Variants in SCLT1 observed in about 807,000 individuals in gnomAD.
SCLT1 encodes the protein sodium channel and clathrin linker 1.
SCLT1 carries 78 observed loss-of-function variants against 112.8 expected under a neutral mutation model. The ratio of observed to expected loss-of-function variants is 0.69; its 90% CI spans 0.58 to 0.83. The LOEUF is 0.83. Ranked by LOEUF, SCLT1 falls within the 40% of genes least tolerant of loss-of-function variation. The pLI is 0.00. For missense variants in SCLT1, 747 were observed against 770.4 expected (o/e 0.97, Z 0.36); for synonymous variants, 257 against 254.7 (o/e 1.01, Z -0.09).
At chr4:128,937,311 T>A (rs542656817) in intron 17 of SCLT1, among the ~76,000 whole-genome samples, 1 of 151,470 alleles carries the variant, frequency 6.6e-6, no homozygotes, top group African/African-American at 2.4e-5. Flanking sequence ...AAAAAAGAAA[T>A]TAAGTTTACA....
chr4:128,907,125 T>A (rs1191701172), intron 18 of SCLT1, among the ~76,000 whole-genome samples: 1 of 150,620 alleles, frequency 6.6e-6, no homozygotes, highest in Non-Finnish European at 1.5e-5. Flanking sequence ...ATACAGAGTG[T>A]TACTAGGAGG....
At chr4:129,004,861 C>T (rs1365091668) in intron 5 of SCLT1, among the ~76,000 whole-genome samples, 5 of 151,482 alleles carry the variant, frequency 3.3e-5, no homozygotes, top group Admixed American at 3.3e-4. Context: ...AAGGACAGAG[C>T]TTGAAAATTA....
chr4:129,070,558 A>G (rs113789615), intron 2 of SCLT1, among the ~76,000 whole-genome samples: 2,189 of 152,256 alleles, frequency 0.014, 47 homozygotes, highest in African/African-American at 0.044. Context: ...AGGTGTTCAT[A>G]GTAGACTTAA....
intron 5 of SCLT1, among the ~76,000 whole-genome samples, chr4:129,036,175 CT>C (rs1747164957): frequency 6.6e-6 from 1 of 151,972 alleles, no homozygotes; most frequent in Non-Finnish European, 1.5e-5. Flanking sequence ...CTGATTAACA[CT>C]TTCAAGTTAC....
At chr4:128,887,530 C>A in intron 20 of SCLT1, among the ~76,000 whole-genome samples, 1 of 152,010 alleles carries the variant, frequency 6.6e-6, no homozygotes, top group East Asian at 1.9e-4. Flanking sequence ...CATTTATAAG[C>A]AAATATAATT....
At position 129,091,559 on chromosome 4, in the gene SCLT1, T is replaced by C. The variant is rs571128792; in HGVS notation, c.34+1511A>G. Among the ~76,000 whole-genome samples, 15 of 152,164 alleles carry C rather than the reference T, an allele frequency of 9.9e-5. No homozygotes were observed. In the South Asian group the frequency reaches 3.1e-3, roughly 32 times the overall value. On this transcript the variant is annotated intron_variant, in intron 1 of 20. Coordinates refer to ENST00000281142, the MANE Select transcript of SCLT1 (RefSeq NM_144643.4). The stretch of plus-strand genomic sequence containing the variant: ...AACCAATTCCTGTCCCACACTACTC[T>C]TACGGTGGCCAGTTAGCTGTTCTTA...
intron 1 of SCLT1, among the ~76,000 whole-genome samples, chr4:129,088,137 T>A (rs1292859425): frequency 6.6e-6 from 1 of 151,758 alleles, no homozygotes; most frequent in Non-Finnish European, 1.5e-5. Context: ...CAAACATTTA[T>A]AAAATAAAAT....
At chr4:129,052,274 G>T (rs1748871942) in intron 2 of SCLT1, among the ~76,000 whole-genome samples, 1 of 152,112 alleles carries the variant, frequency 6.6e-6, no homozygotes, top group Non-Finnish European at 1.5e-5. Flanking sequence ...TTTTTCTATT[G>T]TTTGAAATAG....
chr4:128,985,729 T>C (rs1742034046), intron 9 of SCLT1, among the ~76,000 whole-genome samples: 1 of 152,168 alleles, frequency 6.6e-6, no homozygotes, highest in Non-Finnish European at 1.5e-5. Context: ...AAATCTTTTG[T>C]TTTTTTCATG....
intron 18 of SCLT1, among the ~76,000 whole-genome samples, chr4:128,893,502 C>G (rs1733485753): frequency 1.3e-5 from 2 of 152,160 alleles, no homozygotes. Context: ...TAGGTGCTTT[C>G]ATAAATTAAT....
intron 9 of SCLT1, among the ~76,000 whole-genome samples, chr4:128,990,547 T>C (rs965625015): frequency 1.3e-5 from 2 of 151,758 alleles, no homozygotes; most frequent in Non-Finnish European, 3.0e-5. Flanking sequence ...CAAGGATACC[T>C]ACTTTCACCA....
rs182810280 is a variant in SCLT1 at position 129,026,552 on chromosome 4, T to C, written c.290+12489A>G. 4.6e-4 allele frequency among the ~76,000 whole-genome samples: 69 copies of C among 151,050 alleles called. 1 individual carries two copies. The highest frequency in any genetic ancestry group is 1.6e-3 in the African/African-American group (65 of 41,072). On this transcript the variant is annotated intron_variant, in intron 5 of 20. Transcript: ENST00000281142. Reference sequence around the variant, plus strand: ...AATCTCTGCGACATATTCAAAGCAGTGTGTAGAGAGAAATTTACAGCACTA... The same window carrying C: ...AATCTCTGCGACATATTCAAAGCAGCGTGTAGAGAGAAATTTACAGCACTA...
intron 9 of SCLT1, among the ~76,000 whole-genome samples, chr4:128,981,781 G>A (rs1002890935): frequency 2.0e-5 from 3 of 152,002 alleles, no homozygotes; most frequent in Admixed American, 1.3e-4. Flanking sequence ...TGTGACAGAT[G>A]TATGTGCAGT....
chr4:129,023,214 G>A (rs1373834844), intron 5 of SCLT1, among the ~76,000 whole-genome samples: 1 of 152,150 alleles, frequency 6.6e-6, no homozygotes, highest in Non-Finnish European at 1.5e-5. Context: ...AAAGACCAAT[G>A]ACACTATGAA....
intron 14 of SCLT1, among the ~76,000 whole-genome samples, chr4:128,949,483 C>T (rs573714449): frequency 2.6e-5 from 4 of 152,098 alleles, no homozygotes; most frequent in South Asian, 2.1e-4. Flanking sequence ...CACCCATTAA[C>T]TCATCATTTA....
intron 5 of SCLT1, chr4:129,036,655 A>C (rs1364379423): frequency 2.0e-5 from 3 of 152,016 alleles, no homozygotes; most frequent in African/African-American, 7.2e-5. Flanking sequence ...AAATATATGA[A>C]GTTTTTGGAA....
chr4:129,090,199 A>G (rs1002872770), intron 1 of SCLT1, among the ~76,000 whole-genome samples: 2 of 152,222 alleles, frequency 1.3e-5, no homozygotes, highest in African/African-American at 4.8e-5. Flanking sequence ...AGATACATCA[A>G]TGATGTACAG....
At chr4:128,900,712 A>C (rs1460951036) in intron 18 of SCLT1, among the ~76,000 whole-genome samples, 2 of 152,226 alleles carry the variant, frequency 1.3e-5, no homozygotes, top group Non-Finnish European at 1.5e-5. Flanking sequence ...CTGCACAGCA[A>C]AAGAAACTAC....
chr4:129,090,913 TGTG>T (rs1752772821), intron 1 of SCLT1, among the ~76,000 whole-genome samples: 1 of 152,206 alleles, frequency 6.6e-6, no homozygotes, highest in Non-Finnish European at 1.5e-5. Flanking sequence ...GGAAATGTCA[TGTG>T]GGGACATGAG....
Sources: gnomAD v4.1 joint callset for allele counts (sites outside exome capture counted in the v4.1 genomes callset) on GRCh38, gnomAD v4.1.1 for gene constraint, MANE v1.5 for transcripts, NCBI Gene and HGNC (gene_info 2026-07-23, HGNC 2026-07-21) for gene names.